The following CCDC141 variants were observed in gnomAD, a reference collection of about 807,000 sequenced individuals.
CCDC141 encodes the protein coiled-coil domain-containing protein 141.
A neutral mutation model predicts 181.0 loss-of-function variants in CCDC141; 168 were observed. The ratio of observed to expected loss-of-function variants is 0.93; its 90% confidence interval spans 0.82 to 1.05. The LOEUF (loss-of-function observed/expected upper bound fraction) is 1.05, where lower values mean the gene tolerates loss of function less well. Ranked by LOEUF, CCDC141 falls within the 50% of genes least tolerant of loss-of-function variation. The pLI is 0.00. For synonymous variants in CCDC141, 666 were observed against 642.3 expected (o/e 1.04, Z -0.56); for missense variants, 1,902 against 1,788.5 (o/e 1.06, Z -1.14).
chr2:178,912,443 G>A (rs1006170698), intron 7 of CCDC141, among the ~76,000 whole-genome samples: 3 of 152,140 alleles, frequency 2.0e-5, no homozygotes, highest in Admixed American at 6.5e-5. Context: ...TGTTAAAGAT[G>A]TTTCTTTTTC....
chr2:178,945,525 T>C (rs1233896059), intron 5 of CCDC141, among the ~76,000 whole-genome samples: 1 of 152,118 alleles, frequency 6.6e-6, no homozygotes, highest in African/African-American at 2.4e-5. Context: ...GAGACAGAAT[T>C]TGTCCTCCAG....
intron 2 of CCDC141, among the ~76,000 whole-genome samples, chr2:179,015,090 A>ATATATATATATATATATAT (rs2042406655): frequency 2.4e-5 from 1 of 41,106 alleles, no homozygotes; most frequent in African/African-American, 8.0e-5. Flanking sequence ...ATATATATAT[A>ATATATATATATATATATAT]TATATATATA....
At chr2:178,966,867 C>T (rs777658541) in intron 4 of CCDC141, among the ~76,000 whole-genome samples, 30 of 151,754 alleles carry the variant, frequency 2.0e-4, no homozygotes, top group South Asian at 4.2e-4. Context: ...AAAGGTTAGA[C>T]GAATTGCTAA....
At chr2:178,820,464 T>C in the CCDC141 span, among the ~76,000 whole-genome samples, 1 of 152,192 alleles carries the variant, frequency 6.6e-6, no homozygotes, top group Non-Finnish European at 1.5e-5. Flanking sequence ...ACATATTATA[T>C]CTTCCCATGA....
chr2:178,955,933 A>T (rs1559005601), intron 5 of CCDC141, among the ~76,000 whole-genome samples: 1 of 152,256 alleles, frequency 6.6e-6, no homozygotes, highest in African/African-American at 2.4e-5. Context: ...TCTGAGACCA[A>T]TCGTCATCTG....
chr2:178,987,962 T>C (rs1652855070), intron 2 of CCDC141, among the ~76,000 whole-genome samples: 2 of 151,222 alleles, frequency 1.3e-5, no homozygotes, highest in African/African-American at 2.4e-5. Flanking sequence ...AGCCATCCCA[T>C]TACTGGGTAT....
At chr2:178,938,662 CTTGA>C (rs1238367485) in intron 6 of CCDC141, among the ~76,000 whole-genome samples, 1 of 152,042 alleles carries the variant, frequency 6.6e-6, no homozygotes, top group Non-Finnish European at 1.5e-5. Flanking sequence ...AATTTTCTGC[CTTGA>C]TTATCTGTCT....
chr2:178,965,805 G>A (rs1049136197), intron 4 of CCDC141, among the ~76,000 whole-genome samples: 1 of 152,076 alleles, frequency 6.6e-6, no homozygotes, highest in Admixed American at 6.5e-5. Flanking sequence ...TAAAGCCAGG[G>A]AGCCAAGTGG....
intron 15 of CCDC141, 120 bp downstream of exon 15, chr2:178,868,997 G>T: frequency 3.2e-6 from 2 of 619,042 alleles, no homozygotes; most frequent in Non-Finnish European, 2.5e-6. Flanking sequence ...ATAGGGGCCA[G>T]ATTGTGTAAA....
At chr2:178,955,631 ATTTG>A (rs1286531665) in intron 5 of CCDC141, among the ~76,000 whole-genome samples, 11 of 152,146 alleles carry the variant, frequency 7.2e-5, no homozygotes, top group Non-Finnish European at 1.0e-4. Flanking sequence ...ATTAATTTTC[ATTTG>A]TTTGTTTAGT....
chr2:179,047,218 G>C, intron 2 of CCDC141, 66 bp downstream of exon 2: 1 of 1,387,484 alleles, frequency 7.2e-7, no homozygotes, highest in Non-Finnish European at 9.5e-7. Context: ...GAGGAATCAA[G>C]AAGTATAAGA....
At chr2:178,878,478 A>ATTTTTTTT (rs766496516) in intron 11 of CCDC141, among the ~76,000 whole-genome samples, 1 of 114,626 alleles carries the variant, frequency 8.7e-6, no homozygotes, top group Non-Finnish European at 1.7e-5. Flanking sequence ...GGCCTGGCTA[A>ATTTTTTTT]TTTTTTTTTT....
intron 5 of CCDC141, among the ~76,000 whole-genome samples, chr2:178,948,184 G>A (rs1689808547): frequency 6.6e-6 from 1 of 151,352 alleles, no homozygotes; most frequent in Non-Finnish European, 1.5e-5. Context: ...TTGGGCAATA[G>A]GAGTGAGACC....
chr2:178,941,065 T>C (rs2154376835), intron 6 of CCDC141, among the ~76,000 whole-genome samples: 1 of 152,340 alleles, frequency 6.6e-6, no homozygotes, highest in South Asian at 2.1e-4. Flanking sequence ...TCCTACAGAA[T>C]GGCTGTGGAT....
intron 6 of CCDC141, among the ~76,000 whole-genome samples, chr2:178,932,591 A>T (rs184575350): frequency 1.2e-3 from 182 of 152,290 alleles, no homozygotes; most frequent in African/African-American, 3.5e-3. Flanking sequence ...AACACATACA[A>T]TTTTTTGTGT....
chr2:179,048,911 C>T (rs1312727545), intron 1 of CCDC141, among the ~76,000 whole-genome samples: 1 of 152,190 alleles, frequency 6.6e-6, no homozygotes, highest in Non-Finnish European at 1.5e-5. Flanking sequence ...GTAAACATGG[C>T]TTGCTGTCCA....
chr2:178,886,968 C>A, intron 9 of CCDC141, 97 bp from the exon 10 acceptor site: 1 of 688,446 alleles, frequency 1.5e-6, no homozygotes, highest in Non-Finnish European at 2.1e-6. Flanking sequence ...TATAGATTCT[C>A]ATTATACTTG....
intron 6 of CCDC141, among the ~76,000 whole-genome samples, chr2:178,937,302 G>A (rs1320634849): frequency 2.6e-5 from 4 of 152,040 alleles, no homozygotes; most frequent in Non-Finnish European, 5.9e-5. Flanking sequence ...TAAAATGAAG[G>A]AGTGCTTAAT....
intron 2 of CCDC141, among the ~76,000 whole-genome samples, chr2:178,999,710 C>CA (rs2041896826): frequency 6.6e-6 from 1 of 152,050 alleles, no homozygotes; most frequent in Non-Finnish European, 1.5e-5. Context: ...TATGGTCTAT[C>CA]ATCTATTTCT....
Sources: allele counts gnomAD v4.1 joint callset (sites outside exome capture counted in the v4.1 genomes callset), GRCh38; gene constraint gnomAD v4.1.1; transcripts MANE v1.5; gene names NCBI Gene and HGNC (gene_info 2026-07-23, HGNC 2026-07-21).